Variants in PCDHGA8 observed in about 807,000 individuals in gnomAD.
The protein encoded by PCDHGA8 is protocadherin gamma-A8.
Under a neutral mutation model 59.2 loss-of-function variants are expected in PCDHGA8, and 45 were observed. The ratio of observed to expected loss-of-function variants is 0.76; its 90% confidence interval spans 0.60 to 0.98. The LOEUF is 0.98. PCDHGA8 is among the 50% of genes least tolerant of loss of function. PCDHGA8 has a pLI of 0.00. For synonymous variants in PCDHGA8, 531 were observed against 519.0 expected, an observed-to-expected ratio of 1.02 and a Z score of -0.32; for missense variants, 1,257 against 1,196.2, an observed-to-expected ratio of 1.05 and a Z score of -0.75.
chr5:141,451,182 C>T (rs2154563496), intron 1 of PCDHGA8, among the ~76,000 whole-genome samples: 1 of 152,226 alleles, frequency 6.6e-6, no homozygotes, highest in Non-Finnish European at 1.5e-5. Flanking sequence ...TTAGCCATTG[C>T]TGTGTAACAA....
chr5:141,418,299 G>C lies in PCDHGA8; in HGVS notation c.2424+23062G>C, dbSNP rs767901461. 5 of 1,614,046 alleles carry C rather than the reference G, an allele frequency of 3.1e-6. No individual in the cohort carries two copies. In the Admixed American group the frequency reaches 8.3e-5, roughly 27 times the overall value. On this transcript the variant is annotated intron_variant, in intron 1 of 3. Coordinates refer to ENST00000398604, the MANE Select transcript of PCDHGA8 (RefSeq NM_032088.2). ...AACTTAGAAATCAGTGAATCCGTCA[G>C]CCTGGGGATGGGAACAATTCTTGAG...
Position 141,511,309 on chromosome 5 carries a change from G to C in PCDHGA8, c.*136G>C. The stretch of plus-strand genomic sequence containing the variant: ...GGGGCCAAGGCCATGCTCCCCTTGG[G>C]AAACAGAAACAAGTGCCCAGTCAGC... On this transcript the variant is annotated 3_prime_UTR_variant, in exon 4 of 4. Coordinates refer to ENST00000398604, the MANE Select transcript of PCDHGA8 (RefSeq NM_032088.2). 4.0e-6 allele frequency: 6 copies of C among 1,485,470 alleles called. No homozygotes were observed. Among genetic ancestry groups the C allele is most frequent in the Non-Finnish European group, 4.5e-6 (5 of 1,113,432 alleles). 92.0% of individuals were successfully genotyped at this position (1,485,470 alleles called of 1,614,324 possible).
At chr5:141,478,625 T>A in intron 1 of PCDHGA8, 3 of 1,554,218 alleles carry the variant, frequency 1.9e-6, no homozygotes, top group Non-Finnish European at 2.6e-6. Context: ...ATGGAGCTGT[T>A]TTTTTAGTGA....
chr5:141,456,157 A>G (rs1307977690), intron 1 of PCDHGA8, among the ~76,000 whole-genome samples: 3 of 152,052 alleles, frequency 2.0e-5, no homozygotes, highest in Admixed American at 1.3e-4. Context: ...TCGGCCTCCT[A>G]AAGTGCTGGG....
Position 141,485,418 on chromosome 5 carries a change from G to A in PCDHGA8, c.2425-9389G>A. ...CACTTCCGTGTGGATTTGGACAGCG[G>A]AGCCCTGCTCATCAAGAACCCAATC... On this transcript the variant is annotated intron_variant, in intron 1 of 3. Transcript: ENST00000398604. This position sits in a 1 kb window ranked among gnomAD's most constrained non-coding sequence, Gnocchi z 5.7. 6.2e-7 allele frequency: 1 copy of A among 1,614,174 alleles called. No homozygotes were observed. The highest frequency in any genetic ancestry group is 8.5e-7 in the Non-Finnish European group (1 of 1,180,042).
chr5:141,476,642 C>T lies in PCDHGA8; in HGVS notation c.2425-18165C>T. On this transcript the variant is annotated intron_variant, in intron 1 of 3. Transcript: ENST00000398604. This position sits in a 1 kb window ranked among gnomAD's most constrained non-coding sequence, Gnocchi z 7.6. The stretch of plus-strand genomic sequence containing the variant: ...CTCTTTACAAACCTATGAGCTGAGC[C>T]GAAATGAATACTTTGCGCTTCGCGT... The T allele has an allele frequency of 1.9e-6, 3 of 1,614,240 alleles. No individual in the cohort carries two copies. The highest frequency in any genetic ancestry group is 2.5e-6 in the Non-Finnish European group (3 of 1,180,050).
At chr5:141,464,862 C>T (rs1166573359) in intron 1 of PCDHGA8, among the ~76,000 whole-genome samples, 1 of 152,076 alleles carries the variant, frequency 6.6e-6, no homozygotes, top group African/African-American at 2.4e-5. Context: ...CCTTAGCCTC[C>T]CAAGTAGCTA....
chr5:141,502,039 G>T (rs2099812498), intron 2 of PCDHGA8, among the ~76,000 whole-genome samples: 1 of 152,126 alleles, frequency 6.6e-6, no homozygotes, highest in South Asian at 2.1e-4. Context: ...CCGCTTGCCT[G>T]CTCTCCCTAC....
At chr5:141,460,067 G>T (rs1168161575) in intron 1 of PCDHGA8, among the ~76,000 whole-genome samples, 1 of 151,996 alleles carries the variant, frequency 6.6e-6, no homozygotes, top group Non-Finnish European at 1.5e-5. Flanking sequence ...AACAGAGTGA[G>T]ACTTCATCTA....
chr5:141,508,971 T>C (rs776443205), intron 3 of PCDHGA8, among the ~76,000 whole-genome samples: 14 of 152,004 alleles, frequency 9.2e-5, no homozygotes, highest in Non-Finnish European at 2.1e-4. Context: ...ATGAAAGGGC[T>C]GGGGGTGGGG....
At position 141,477,272 on chromosome 5, in the gene PCDHGA8, C is replaced by G. The variant is rs2099408579; in HGVS notation, c.2425-17535C>G. The G allele has an allele frequency of 1.2e-6, 2 of 1,614,090 alleles. No homozygotes were observed. The highest frequency in any genetic ancestry group is 1.7e-6 in the Non-Finnish European group (2 of 1,180,048). Reference sequence around the variant, plus strand: ...TGACCTGGATGCTGGCGAGAACGGGCTGGTGACCTGCGAAGTTCCACCGGG... The same window carrying G: ...TGACCTGGATGCTGGCGAGAACGGGGTGGTGACCTGCGAAGTTCCACCGGG... On this transcript the variant is annotated intron_variant, in intron 1 of 3. Coordinates refer to ENST00000398604, the MANE Select transcript of PCDHGA8 (RefSeq NM_032088.2). This position sits in a 1 kb window ranked among gnomAD's most constrained non-coding sequence, Gnocchi z 4.9.
intron 1 of PCDHGA8, chr5:141,478,111 A>G (rs2099430294): frequency 1.2e-6 from 2 of 1,613,982 alleles, no homozygotes; most frequent in Admixed American, 1.7e-5. Context: ...TCACTGTGTC[A>G]GTAACCGAGG....
At position 141,394,756 on chromosome 5, in the gene PCDHGA8, A is replaced by G. The variant is rs757241753; in HGVS notation, c.1943A>G (p.Asp648Gly). 2.5e-6 allele frequency: 4 copies of G among 1,613,324 alleles called. No homozygotes were observed. The highest frequency in any genetic ancestry group is 4.5e-5 in the East Asian group (2 of 44,880). Residue 648 changes from aspartate (D) to glycine (G), a missense_variant, in exon 1 of 4, where the codon GAC becomes GGC. Asp to Gly is a moderately conservative substitution (Grantham distance 94, BLOSUM62 -1). Transcript: ENST00000398604. ...LKQSLVVAVQ[D>G]HGQPPLSATV... ...CAGAGCCTCGTGGTGGCCGTCCAGGACCATGGCCAGCCCCCTCTCTCCGCC... is the reference window on the plus strand; with the variant it reads ...CAGAGCCTCGTGGTGGCCGTCCAGGGCCATGGCCAGCCCCCTCTCTCCGCC...
At position 141,440,639 on chromosome 5, in the gene PCDHGA8, T is replaced by C. The variant is rs2098191350; in HGVS notation, c.2424+45402T>C. On this transcript the variant is annotated intron_variant, in intron 1 of 3. Coordinates refer to ENST00000398604, the MANE Select transcript of PCDHGA8 (RefSeq NM_032088.2). ...GATCCTGATGTTGAGAGAAATTCCT[T>C]ACAAAATTATCACCTTAGCAGCAAC... 2 of 152,192 alleles carry C rather than the reference T, an allele frequency of 1.3e-5. 1 individual carries two copies. The highest frequency in any genetic ancestry group is 4.8e-5 in the African/African-American group (2 of 41,440). The allele number at this position is 152,192 out of a possible 1,614,324, so 9.4% of individuals were successfully genotyped here.
At chr5:141,436,991 T>G (rs1016670604) in intron 1 of PCDHGA8, among the ~76,000 whole-genome samples, 2 of 152,238 alleles carry the variant, frequency 1.3e-5, no homozygotes, top group African/African-American at 4.8e-5. Flanking sequence ...AGAAGCAGTT[T>G]ACTTCAATGG....
Position 141,393,858 on chromosome 5 carries a change from A to G in PCDHGA8, c.1045A>G (p.Ile349Val), listed in dbSNP as rs777304987. The G allele has an allele frequency of 1.2e-5, 20 of 1,613,912 alleles. No homozygotes were observed. Among genetic ancestry groups the G allele is most frequent in the Admixed American group, 8.3e-5 (5 of 60,008 alleles). Residue 349 changes from isoleucine to valine, a missense_variant, in exon 1 of 4, where the codon ATT (isoleucine) becomes GTT (valine). By Grantham distance (29) the Ile-to-Val change is conservative. Transcript: ENST00000398604. ...DVNDNRPEVI[I>V]TSLFSPVLEN... ...AAATGACAATAGACCAGAAGTGATC[A>G]TTACGTCTTTGTTTAGCCCAGTGTT...
At position 141,477,572 on chromosome 5, in the gene PCDHGA8, G is replaced by A. The variant is rs375416133; in HGVS notation, c.2425-17235G>A. The A allele has an allele frequency of 6.2e-7, 1 of 1,614,112 alleles. No homozygotes were observed. The highest frequency in any genetic ancestry group is 8.5e-7 in the Non-Finnish European group (1 of 1,180,030). On this transcript the variant is annotated intron_variant, in intron 1 of 3. Coordinates refer to ENST00000398604, the MANE Select transcript of PCDHGA8 (RefSeq NM_032088.2). This position sits in a 1 kb window ranked among gnomAD's most constrained non-coding sequence, Gnocchi z 4.9. ...AAACCTAAGTGTCTGGGACCCCGAC[G>A]CCCCGCAGAATGCTCGGCTTTCTTT...
At chr5:141,403,344 C>T (rs1307550469) in intron 1 of PCDHGA8, 10 of 1,613,916 alleles carry the variant, frequency 6.2e-6, no homozygotes, top group Non-Finnish European at 8.5e-6. Context: ...GACAGCGCCC[C>T]AAAGTTCCAG....
chr5:141,476,912 G>A lies in PCDHGA8; in HGVS notation c.2425-17895G>A, dbSNP rs1196222770. 1.9e-6 allele frequency: 3 copies of A among 1,614,098 alleles called. No homozygotes were observed. Among genetic ancestry groups the A allele is most frequent in the Non-Finnish European group, 2.5e-6 (3 of 1,180,048 alleles). On this transcript the variant is annotated intron_variant, in intron 1 of 3. Coordinates refer to ENST00000398604, the MANE Select transcript of PCDHGA8 (RefSeq NM_032088.2). The surrounding 1 kb of genome is among the most constrained non-coding windows in gnomAD (Gnocchi z 7.6). Reference sequence around the variant, plus strand: ...ACCCTCCGGCACGCGCGTGGTACAAGTCCTTGCAACGGATCTGGATGAAGG... The same window carrying A: ...ACCCTCCGGCACGCGCGTGGTACAAATCCTTGCAACGGATCTGGATGAAGG...
Sources: gnomAD v4.1 joint callset for allele counts (sites outside exome capture counted in the v4.1 genomes callset) on GRCh38, gnomAD v4.1.1 for gene constraint, Gnocchi (gnomAD v3.1) non-coding constraint, MANE v1.5 for transcripts, NCBI Gene and HGNC (gene_info 2026-07-23, HGNC 2026-07-21) for gene names.